The following DZIP3 variants were observed in gnomAD, a reference collection of about 807,000 sequenced individuals.
DZIP3 encodes the protein E3 ubiquitin-protein ligase DZIP3.
DZIP3 carries 118 observed loss-of-function variants against 162.0 expected under a neutral mutation model. The ratio of observed to expected loss-of-function variants is 0.73; its 90% CI spans 0.63 to 0.85. The LOEUF is 0.85. DZIP3 is among the 40% of genes least tolerant of loss of function. The pLI, the probability that DZIP3 is intolerant of heterozygous loss-of-function variation, is 0.00. For missense variants in DZIP3, 1,331 were observed against 1,407.0 expected (o/e 0.95, Z 0.86); for synonymous variants, 438 against 458.6 (o/e 0.96, Z 0.57).
intron 5 of DZIP3, among the ~76,000 whole-genome samples, chr3:108,617,140 A>G (rs758331428): frequency 1.3e-5 from 2 of 152,194 alleles, no homozygotes; most frequent in Non-Finnish European, 2.9e-5. Context: ...ATGTTGGTCA[A>G]AAGATACAAA....
intron 27 of DZIP3, among the ~76,000 whole-genome samples, chr3:108,685,336 A>C (rs1944460434): frequency 6.6e-6 from 1 of 152,176 alleles, no homozygotes; most frequent in Non-Finnish European, 1.5e-5. Flanking sequence ...AAAGCTTGAC[A>C]TAGAAGCAAA....
chr3:108,628,940 G>T, intron 7 of DZIP3, 122 bp from the exon 8 acceptor site: 1 of 564,254 alleles, frequency 1.8e-6, no homozygotes, highest in East Asian at 3.2e-5. Context: ...GTATTTCTAT[G>T]GCATGCCAGA....
At chr3:108,659,830 C>T (rs2107285571) in intron 19 of DZIP3, among the ~76,000 whole-genome samples, 1 of 152,268 alleles carries the variant, frequency 6.6e-6, no homozygotes, top group Non-Finnish European at 1.5e-5. Context: ...CACAAGCATT[C>T]TTATACACCA....
At chr3:108,686,272 A>G (rs1006637403) in intron 27 of DZIP3, among the ~76,000 whole-genome samples, 173 bp from the exon 28 acceptor site, 1 of 152,328 alleles carries the variant, frequency 6.6e-6, no homozygotes, top group Non-Finnish European at 1.5e-5. Context: ...TCTTTGTCCT[A>G]TTTTTAAAAT....
At chr3:108,593,374 A>G (rs1045249607) in intron 1 of DZIP3, among the ~76,000 whole-genome samples, 4 of 152,192 alleles carry the variant, frequency 2.6e-5, no homozygotes, top group South Asian at 2.1e-4. Context: ...TAACAATCCT[A>G]TGTTTTTCTT....
At chr3:108,629,927 C>A (rs541734345) in intron 8 of DZIP3, among the ~76,000 whole-genome samples, 1 of 151,978 alleles carries the variant, frequency 6.6e-6, no homozygotes, top group East Asian at 1.9e-4. Context: ...TAGTTCCCTG[C>A]TAAGTTTATT....
intron 3 of DZIP3, among the ~76,000 whole-genome samples, chr3:108,608,955 TTA>T (rs1491242921): frequency 6.6e-6 from 1 of 152,106 alleles, no homozygotes; most frequent in Non-Finnish European, 1.5e-5. Context: ...CTCAAGAAAC[TTA>T]GAGTCATGGG....
intron 15 of DZIP3, 99 bp downstream of exon 15, chr3:108,646,748 T>C: frequency 1.0e-6 from 1 of 954,286 alleles, no homozygotes; most frequent in Non-Finnish European, 1.5e-6. Flanking sequence ...AAACTATAAT[T>C]GTGAAGAACT....
At chr3:108,655,385 G>A (rs141141739) in intron 19 of DZIP3, among the ~76,000 whole-genome samples, 2 of 152,254 alleles carry the variant, frequency 1.3e-5, no homozygotes, top group African/African-American at 4.8e-5. Flanking sequence ...CTGTCTATGT[G>A]ATTTGGGGCA....
chr3:108,602,140 A>G lies in DZIP3; in HGVS notation c.-72-3195A>G, dbSNP rs115882644. 4.7e-3 allele frequency among the ~76,000 whole-genome samples: 717 copies of G among 152,294 alleles called. 3 individuals are homozygous for G. Among genetic ancestry groups the G allele is most frequent in the African/African-American group, 0.016 (655 of 41,556 alleles). ...AGTGGATTTTTATAAAAATGTGCCT[A>G]TATACAGTTTAGGAAGGTGATAGTA... On this transcript the variant is annotated intron_variant, in intron 1 of 32. Transcript: ENST00000361582.
At chr3:108,609,552 G>A (rs1006981267) in intron 3 of DZIP3, among the ~76,000 whole-genome samples, 4 of 152,162 alleles carry the variant, frequency 2.6e-5, no homozygotes, top group Non-Finnish European at 4.4e-5. Context: ...AATTAAAAGT[G>A]TGGACCAGGC....
chr3:108,684,387 A>G (rs903585002), intron 27 of DZIP3, 46 bp downstream of exon 27: 11 of 1,576,584 alleles, frequency 7.0e-6, no homozygotes, highest in South Asian at 2.3e-5. Context: ...TTTTTTTATT[A>G]CTCTAGTGGG....
chr3:108,632,753 C>A (rs1941947090), intron 8 of DZIP3, among the ~76,000 whole-genome samples, 200 bp from the exon 9 acceptor site: 1 of 152,112 alleles, frequency 6.6e-6, no homozygotes, highest in Non-Finnish European at 1.5e-5. Context: ...TCCCGTACTT[C>A]TAATTTAGGA....
chr3:108,664,654 C>T (rs968843683), intron 21 of DZIP3, among the ~76,000 whole-genome samples: 1 of 152,224 alleles, frequency 6.6e-6, no homozygotes, highest in Non-Finnish European at 1.5e-5. Context: ...CCCTTTTCCC[C>T]CCTTCCCTCA....
intron 11 of DZIP3, among the ~76,000 whole-genome samples, chr3:108,637,096 C>T (rs1304464350): frequency 1.3e-5 from 2 of 151,956 alleles, no homozygotes; most frequent in African/African-American, 4.8e-5. Flanking sequence ...CAGAACATCA[C>T]ATATAGTACC....
At chr3:108,670,129 T>G (rs1943872815) in intron 22 of DZIP3, among the ~76,000 whole-genome samples, 1 of 151,932 alleles carries the variant, frequency 6.6e-6, no homozygotes, top group Non-Finnish European at 1.5e-5. Flanking sequence ...GGAAATTTTT[T>G]TAATAACACC....
intron 5 of DZIP3, among the ~76,000 whole-genome samples, chr3:108,617,740 G>C (rs1941096303): frequency 6.6e-6 from 1 of 152,178 alleles, no homozygotes; most frequent in African/African-American, 2.4e-5. Context: ...AGGAAACAAA[G>C]AAAATGGGGG....
At chr3:108,621,112 C>A (rs185938914) in intron 5 of DZIP3, among the ~76,000 whole-genome samples, 1 of 152,172 alleles carries the variant, frequency 6.6e-6, no homozygotes, top group Non-Finnish European at 1.5e-5. Flanking sequence ...TGAGCCACTG[C>A]ACCCAGCCAG....
chr3:108,603,342 T>C (rs1411328255), intron 1 of DZIP3: 1 of 152,228 alleles, frequency 6.6e-6, no homozygotes, highest in African/African-American at 2.4e-5. Context: ...CAGTTATGTC[T>C]TTTTCTATAC....
Sources: gnomAD v4.1 joint callset for allele counts (sites outside exome capture counted in the v4.1 genomes callset) on GRCh38, gnomAD v4.1.1 for gene constraint, MANE v1.5 for transcripts, NCBI Gene and HGNC (gene_info 2026-07-23, HGNC 2026-07-21) for gene names.